The following DOCK3 variants were observed in gnomAD, a reference collection of about 807,000 sequenced individuals.
The protein encoded by DOCK3 is dedicator of cytokinesis 3.
Under a neutral mutation model 265.6 loss-of-function variants are expected in DOCK3, and 60 were observed. That is an observed-to-expected ratio of 0.23 (90% CI 0.18 to 0.28). The LOEUF (loss-of-function observed/expected upper bound fraction) is 0.28. DOCK3 is among the 10% of genes least tolerant of loss of function. The pLI is 1.00. For missense variants in DOCK3, 1,981 were observed against 2,594.3 expected, an observed-to-expected ratio of 0.76 and a Z score of 5.14; for synonymous variants, 881 against 938.0, an observed-to-expected ratio of 0.94 and a Z score of 1.11.
intron 3 of DOCK3, among the ~76,000 whole-genome samples, chr3:50,884,338 G>T (rs1316220564): frequency 6.6e-6 from 1 of 152,128 alleles, no homozygotes; most frequent in South Asian, 2.1e-4. Context: ...TGATTTGCCC[G>T]CCTTGGCCTC....
At chr3:50,781,613 A>ATATT (rs1056711098) in intron 2 of DOCK3, among the ~76,000 whole-genome samples, 1 of 151,788 alleles carries the variant, frequency 6.6e-6, no homozygotes, top group African/African-American at 2.4e-5. Flanking sequence ...TTAATTTGAA[A>ATATT]TATTTATTTA....
intron 4 of DOCK3, among the ~76,000 whole-genome samples, chr3:50,891,806 C>T (rs1406611199): frequency 6.6e-6 from 1 of 152,026 alleles, no homozygotes; most frequent in Non-Finnish European, 1.5e-5. Flanking sequence ...CAAAGTCATA[C>T]ACTTTCTGAT....
intron 12 of DOCK3, among the ~76,000 whole-genome samples, chr3:51,162,139 A>G (rs1250256302): frequency 6.6e-6 from 1 of 152,154 alleles, no homozygotes; most frequent in Admixed American, 6.5e-5. Flanking sequence ...CAGTTTAAAA[A>G]CCCAATATTG....
At chr3:51,218,353 A>T (rs1240737260) in intron 14 of DOCK3, among the ~76,000 whole-genome samples, 1 of 151,586 alleles carries the variant, frequency 6.6e-6, no homozygotes, top group Non-Finnish European at 1.5e-5. Context: ...AGAATTGCTT[A>T]AACTCGGGAG....
chr3:51,334,152 A>C (rs1388939042), intron 35 of DOCK3, among the ~76,000 whole-genome samples: 1 of 152,182 alleles, frequency 6.6e-6, no homozygotes, highest in African/African-American at 2.4e-5. Flanking sequence ...AGCCAGAATT[A>C]GAATTTCTTA....
chr3:51,257,213 C>A (rs2079596195), intron 22 of DOCK3, among the ~76,000 whole-genome samples: 1 of 152,208 alleles, frequency 6.6e-6, no homozygotes, highest in African/African-American at 2.4e-5. Flanking sequence ...TCATTTCCTC[C>A]TCTTCGTCAG....
At chr3:51,181,591 G>A (rs1250116579) in intron 12 of DOCK3, among the ~76,000 whole-genome samples, 1 of 151,914 alleles carries the variant, frequency 6.6e-6, no homozygotes, top group African/African-American at 2.4e-5. Flanking sequence ...TATTCAGAAA[G>A]GCATAATAGC....
intron 2 of DOCK3, among the ~76,000 whole-genome samples, chr3:50,779,983 A>T (rs930171640): frequency 6.6e-6 from 1 of 152,194 alleles, no homozygotes. Context: ...GCCAATGTAT[A>T]TGGGAGTGGA....
Position 51,153,490 on chromosome 3 carries a change from G to A in DOCK3, c.829-5754G>A, listed in dbSNP as rs188502542. Among the ~76,000 whole-genome samples, 696 of 152,246 alleles carry A rather than the reference G, an allele frequency of 4.6e-3. 1 individual carries two copies. Among genetic ancestry groups the A allele is most frequent in the African/African-American group, 0.016 (668 of 41,524 alleles). ...GTGAAGCGATGCCCCACACTGCTTC[G>A]GCTTGCCCTCCTTGGGCTGCACCCA... On this transcript the variant is annotated intron_variant, in intron 10 of 52. Transcript: ENST00000266037.
chr3:51,291,335 GAAAA>G (rs1236006472), intron 27 of DOCK3, among the ~76,000 whole-genome samples: 3 of 151,862 alleles, frequency 2.0e-5, no homozygotes, highest in Non-Finnish European at 4.4e-5. Context: ...ACTAAAAAAA[GAAAA>G]AGAAAAGAAA....
intron 2 of DOCK3, among the ~76,000 whole-genome samples, chr3:50,781,920 G>A (rs1253056960): frequency 6.6e-6 from 1 of 152,138 alleles, no homozygotes; most frequent in Non-Finnish European, 1.5e-5. Context: ...AAGGATAATA[G>A]CCTCCAGCTC....
chr3:50,930,634 C>T (rs116733550), intron 4 of DOCK3, among the ~76,000 whole-genome samples: 173 of 152,320 alleles, frequency 1.1e-3, no homozygotes, highest in Non-Finnish European at 1.9e-3. Context: ...TCAGGGGCAG[C>T]GCAGAGCTCC....
At chr3:51,203,427 G>T (rs1233233137) in intron 12 of DOCK3, among the ~76,000 whole-genome samples, 2 of 152,106 alleles carry the variant, frequency 1.3e-5, no homozygotes, top group Non-Finnish European at 2.9e-5. Flanking sequence ...GCTTCAAAGA[G>T]AATAAAATAC....
chr3:51,005,173 A>C (rs547248784), intron 5 of DOCK3, among the ~76,000 whole-genome samples: 1 of 152,116 alleles, frequency 6.6e-6, no homozygotes, highest in African/African-American at 2.4e-5. Context: ...TCAGTAGTCT[A>C]TTCTCAGAGA....
intron 5 of DOCK3, among the ~76,000 whole-genome samples, chr3:51,010,841 C>T (rs1243257877): frequency 6.6e-6 from 1 of 152,102 alleles, no homozygotes; most frequent in Non-Finnish European, 1.5e-5. Context: ...TCAGCATTTT[C>T]TTGTCTGTAA....
At chr3:50,916,757 C>T (rs1003171023) in intron 4 of DOCK3, among the ~76,000 whole-genome samples, 2 of 150,370 alleles carry the variant, frequency 1.3e-5, no homozygotes, top group East Asian at 2.0e-4. Context: ...TACAGTGAGC[C>T]GAGATTGCGC....
chr3:51,332,568 G>A (rs1329391384), intron 33 of DOCK3, among the ~76,000 whole-genome samples: 4 of 152,196 alleles, frequency 2.6e-5, no homozygotes, highest in Non-Finnish European at 5.9e-5. Context: ...AGCTGGGTAT[G>A]GTGGCTCATG....
chr3:51,106,837 C>T (rs942554221), intron 9 of DOCK3, among the ~76,000 whole-genome samples: 1 of 152,206 alleles, frequency 6.6e-6, no homozygotes, highest in African/African-American at 2.4e-5. Context: ...CCTCAGTACC[C>T]ACTAGCACCC....
intron 2 of DOCK3, among the ~76,000 whole-genome samples, chr3:50,785,794 TG>T (rs1010220237): frequency 6.6e-6 from 1 of 152,168 alleles, no homozygotes; most frequent in Non-Finnish European, 1.5e-5. Flanking sequence ...TGTCCTATCC[TG>T]GTTTTGATAT....
Sources: gnomAD v4.1 joint callset for allele counts (sites outside exome capture counted in the v4.1 genomes callset) on GRCh38, gnomAD v4.1.1 for gene constraint, MANE v1.5 for transcripts, NCBI Gene and HGNC (gene_info 2026-07-23, HGNC 2026-07-21) for gene names.